The following UST variants were observed in gnomAD, a reference collection of about 807,000 sequenced individuals.
The protein encoded by UST is chondroitin sulfate 2-O-sulfotransferase.
Under a neutral mutation model 45.6 loss-of-function variants are expected in UST, and 21 were observed. That is an observed-to-expected ratio of 0.46 (90% CI 0.33 to 0.66). UST has a LOEUF of 0.66. Among genes scored for constraint, UST ranks in the 30% least tolerant of loss-of-function variants. The pLI, the probability that UST is intolerant of heterozygous loss-of-function variation, is 0.02. For synonymous variants in UST, 215 were observed against 200.6 expected (o/e 1.07, Z -0.61); for missense variants, 463 against 512.4 (o/e 0.90, Z 0.93).
chr6:148,974,319 TAA>T (rs35513894), intron 5 of UST, among the ~76,000 whole-genome samples: 1 of 149,132 alleles, frequency 6.7e-6, no homozygotes. Flanking sequence ...CTTATAATAT[TAA>T]AAAAAAAAAT....
chr6:149,037,335 C>T (rs988351515), intron 7 of UST, among the ~76,000 whole-genome samples: 1 of 152,216 alleles, frequency 6.6e-6, no homozygotes, highest in African/African-American at 2.4e-5. Context: ...TCTCTAAATA[C>T]ATTCCATATG....
At chr6:148,842,938 T>C (rs993506276) in intron 1 of UST, among the ~76,000 whole-genome samples, 22 of 152,070 alleles carry the variant, frequency 1.4e-4, no homozygotes, top group Non-Finnish European at 3.1e-4. Flanking sequence ...GAAATAGATA[T>C]TAAATAAAAT....
At chr6:148,851,127 C>T (rs900769221) in intron 1 of UST, among the ~76,000 whole-genome samples, 1 of 152,106 alleles carries the variant, frequency 6.6e-6, no homozygotes, top group African/African-American at 2.4e-5. Context: ...CTTTGTGGAC[C>T]CTGGTAGCCA....
intron 1 of UST, among the ~76,000 whole-genome samples, chr6:148,771,918 C>T (rs1776435026): frequency 6.6e-6 from 1 of 152,138 alleles, no homozygotes; most frequent in Non-Finnish European, 1.5e-5. Context: ...AAAGGGTGGC[C>T]TCTGTCTTCC....
intron 5 of UST, among the ~76,000 whole-genome samples, chr6:148,968,656 G>T (rs1780854591): frequency 6.6e-6 from 1 of 152,242 alleles, no homozygotes; most frequent in Non-Finnish European, 1.5e-5. Context: ...AAGAGCAACT[G>T]TTGTCATCTC....
rs1274923601 is a variant in UST at position 148,957,136 on chromosome 6, C to G, written c.527+3185C>G. On this transcript the variant is annotated intron_variant, in intron 4 of 7. Coordinates refer to ENST00000367463, the MANE Select transcript of UST (RefSeq NM_005715.3). ...AGTTTTAAGCAGAAATAACAAGAGA[C>G]TGCCTGACCAGCTTTGCTGCTTTCA... 2.6e-5 allele frequency among the ~76,000 whole-genome samples: 4 copies of G among 152,204 alleles called. No individual in the cohort carries two copies. The East Asian group carries it at 7.7e-4, about 29-fold the overall frequency.
At chr6:148,854,804 G>A (rs1315310602) in intron 1 of UST, among the ~76,000 whole-genome samples, 1 of 152,136 alleles carries the variant, frequency 6.6e-6, no homozygotes, top group Non-Finnish European at 1.5e-5. Flanking sequence ...CATTTTAGAA[G>A]CCTCTGTTGC....
chr6:148,894,115 T>C (rs1779073618), intron 2 of UST, among the ~76,000 whole-genome samples: 1 of 152,092 alleles, frequency 6.6e-6, no homozygotes, highest in East Asian at 1.9e-4. Context: ...ATGAACTGCT[T>C]TGAGGAGCTT....
At chr6:148,757,477 A>C (rs1380798016) in intron 1 of UST, among the ~76,000 whole-genome samples, 2 of 152,190 alleles carry the variant, frequency 1.3e-5, no homozygotes, top group African/African-American at 2.4e-5. Flanking sequence ...CCGTGGAATG[A>C]TGTGATTTTT....
intron 1 of UST, among the ~76,000 whole-genome samples, chr6:148,867,319 CACACACACAT>C (rs377575607): frequency 0.028 from 4,024 of 145,752 alleles, 137 homozygotes; most frequent in South Asian, 0.11. Flanking sequence ...CACACACACA[CACACACACAT>C]ATATATGTAC....
chr6:148,854,998 A>G (rs915343541), intron 1 of UST, among the ~76,000 whole-genome samples: 3 of 152,150 alleles, frequency 2.0e-5, no homozygotes, highest in African/African-American at 7.2e-5. Context: ...ATTATGGTGG[A>G]AGGCAAGGAG....
chr6:148,876,963 T>C lies in UST; in HGVS notation c.248-10023T>C, dbSNP rs73778931. ...TTGCGGATCCTGTGGGCCCATGAAG[T>C]GTGTGGGGGATCATGTATGAGTGTG... On this transcript the variant is annotated intron_variant, in intron 1 of 7. Coordinates refer to ENST00000367463, the MANE Select transcript of UST (RefSeq NM_005715.3). Among the ~76,000 whole-genome samples the C allele has an allele frequency of 7.8e-3, 720 of 92,164 alleles. 16 individuals are homozygous for C. The highest frequency in any genetic ancestry group is 0.031 in the African/African-American group (683 of 21,960). The allele number at this position is 92,164 out of a possible 152,430, so 60.5% of individuals were successfully genotyped here. A position where few individuals can be genotyped will look rare whatever the true frequency, so the allele number is the denominator to read the frequency against.
intron 7 of UST, among the ~76,000 whole-genome samples, chr6:149,042,019 T>G (rs1023344572): frequency 1.3e-5 from 2 of 152,244 alleles, no homozygotes; most frequent in East Asian, 3.8e-4. Flanking sequence ...ACTTTCCACG[T>G]AGTGGGTGTA....
At chr6:148,883,717 T>C (rs765930999) in intron 1 of UST, among the ~76,000 whole-genome samples, 1 of 152,172 alleles carries the variant, frequency 6.6e-6, no homozygotes, top group Non-Finnish European at 1.5e-5. Context: ...ATCATACAGA[T>C]AGCTAAGTCA....
chr6:148,775,365 C>T (rs1002189203), intron 1 of UST, among the ~76,000 whole-genome samples: 5 of 152,184 alleles, frequency 3.3e-5, no homozygotes, highest in African/African-American at 1.2e-4. Flanking sequence ...TAGGATGGAG[C>T]GAGGTGGTGG....
chr6:149,062,779 G>C (rs1188864006), intron 7 of UST, among the ~76,000 whole-genome samples: 4 of 152,226 alleles, frequency 2.6e-5, no homozygotes, highest in Non-Finnish European at 5.9e-5. Context: ...GTACAGCCTT[G>C]AGCTGGTCTT....
chr6:148,931,107 T>G (rs572814166), intron 2 of UST, among the ~76,000 whole-genome samples: 37 of 152,356 alleles, frequency 2.4e-4, no homozygotes, highest in Non-Finnish European at 4.3e-4. Flanking sequence ...ATGGACTCTT[T>G]CCCCACTAAC....
chr6:148,989,546 C>CT lies in UST; in HGVS notation c.681+24985dup, dbSNP rs112322684. 2.8e-3 allele frequency among the ~76,000 whole-genome samples: 426 copies of CT among 152,302 alleles called. 1 individual carries two copies. Among genetic ancestry groups the CT allele is most frequent in the African/African-American group, 9.5e-3 (396 of 41,564 alleles). Reference sequence around the variant, plus strand: ...CTTGTTCAGAGAAACTGAAAACAAACTTGGATTGCATTAACAGAAGTATCT... The same window carrying CT: ...CTTGTTCAGAGAAACTGAAAACAAACTTTGGATTGCATTAACAGAAGTATCT... On this transcript the variant is annotated intron_variant, in intron 5 of 7. Transcript: ENST00000367463.
intron 1 of UST, among the ~76,000 whole-genome samples, chr6:148,865,664 T>TTG (rs56252604): frequency 0.028 from 3,251 of 117,826 alleles, 52 homozygotes; most frequent in Middle Eastern, 0.048. Flanking sequence ...CTTGCTGAAA[T>TTG]TGTGTGTGTG....
Sources: gnomAD v4.1 joint callset for allele counts (sites outside exome capture counted in the v4.1 genomes callset) on GRCh38, gnomAD v4.1.1 for gene constraint, MANE v1.5 for transcripts, NCBI Gene and HGNC (gene_info 2026-07-23, HGNC 2026-07-21) for gene names.